The following CENPA variants were observed in gnomAD, a reference collection of about 807,000 sequenced individuals.
CENPA encodes centromere protein A.
CENPA carries 7 observed loss-of-function variants against 17.2 expected under a neutral mutation model. That is an observed-to-expected ratio of 0.41 (90% CI 0.23 to 0.76). The LOEUF is 0.76. Among genes scored for constraint, CENPA ranks in the 30% least tolerant of loss-of-function variants. The pLI, the probability that CENPA is intolerant of heterozygous loss-of-function variation, is 0.34. For synonymous variants in CENPA, 82 were observed against 77.4 expected (o/e 1.06, Z -0.31); for missense variants, 149 against 193.1 (o/e 0.77, Z 1.35).
At chr2:26,793,730 A>C (rs1380998531) in intron 4 of CENPA, 82 bp from the exon 5 acceptor site, 1 of 152,568 alleles carries the variant, frequency 6.6e-6, no homozygotes, top group Non-Finnish European at 1.5e-5. Flanking sequence ...CTTTCTAATA[A>C]AAACTTTCTC....
intron 2 of CENPA, 183 bp downstream of exon 2, chr2:26,792,423 G>C (rs996410522): frequency 7.1e-6 from 5 of 701,410 alleles, no homozygotes; most frequent in Non-Finnish European, 1.3e-5. Context: ...TTATGGAATT[G>C]ATTTCTAACC....
intron 1 of CENPA, among the ~76,000 whole-genome samples, chr2:26,789,095 G>C (rs1664570484): frequency 6.6e-6 from 1 of 152,112 alleles, no homozygotes. Flanking sequence ...AGCCAGACTT[G>C]TTAGGTCCAC....
chr2:26,790,081 C>A (rs1426650730), intron 1 of CENPA, among the ~76,000 whole-genome samples: 1 of 152,152 alleles, frequency 6.6e-6, no homozygotes, highest in African/African-American at 2.4e-5. Flanking sequence ...ACCACTTGTT[C>A]TTGGGTCATG....
At chr2:26,788,771 G>A (rs921521154) in intron 1 of CENPA, among the ~76,000 whole-genome samples, 4 of 152,172 alleles carry the variant, frequency 2.6e-5, no homozygotes, top group African/African-American at 9.7e-5. Flanking sequence ...TACCTCCCGG[G>A]TTCAAGCGAT....
At chr2:26,786,806 G>A (rs531038795) in intron 1 of CENPA, among the ~76,000 whole-genome samples, 7 of 152,286 alleles carry the variant, frequency 4.6e-5, no homozygotes, top group Admixed American at 2.0e-4. Context: ...GTCTTTCAGG[G>A]GTTTTTTTTC....
At chr2:26,792,728 A>C (rs773766289) in intron 2 of CENPA, 28 bp from the exon 3 acceptor site, 2 of 1,582,942 alleles carry the variant, frequency 1.3e-6, no homozygotes, top group Admixed American at 1.7e-5. Context: ...CCCTACTCCT[A>C]CTCCTCCCCT....
intron 2 of CENPA, chr2:26,792,452 C>T (rs1374719137): frequency 2.8e-6 from 2 of 710,770 alleles, no homozygotes; most frequent in Non-Finnish European, 5.2e-6. Context: ...CTTTTTAAAA[C>T]TGTAGTTTTT....
chr2:26,793,237 A>G lies in CENPA; in HGVS notation c.381A>G (p.Gln127=). The change falls in exon 4 of 5, where the codon CAA becomes CAG. Residue 127 remains glutamine, a synonymous_variant. Coordinates refer to ENST00000335756, the MANE Select transcript of CENPA (RefSeq NM_001809.4). ...GRVTLFPKDV[Q]LARRIRGLEE... is the part of the protein sequence containing the mutation. ...TTACTCTCTTCCCAAAGGATGTGCA[A>G]CTGGCCCGGAGGATCCGGGGCCTTG... 5 of 1,614,158 alleles carry G rather than the reference A, an allele frequency of 3.1e-6. No individual in the cohort carries two copies. Among genetic ancestry groups the G allele is most frequent in the Non-Finnish European group, 4.2e-6 (5 of 1,180,018 alleles).
chr2:26,786,270 G>T lies in CENPA; in HGVS notation c.74G>T (p.Gly25Val). Residue 25 changes from glycine to valine, a missense_variant, in exon 1 of 5, where the codon GGC (glycine) becomes GTC (valine). Gly to Val is a moderately radical substitution (Grantham distance 109, BLOSUM62 -3). Coordinates refer to ENST00000335756, the MANE Select transcript of CENPA (RefSeq NM_001809.4). ...RRSPSPTPTP[G>V]PSRRGPSLGA... ...AGCCCGAGCCCGACCCCGACCCCCG[G>T]CCCCTCCCGGCGGGGCCCCTCCTTA... The T allele has an allele frequency of 7.4e-7, 1 of 1,347,412 alleles. No individual in the cohort carries two copies. The highest frequency in any genetic ancestry group is 9.5e-7 in the Non-Finnish European group (1 of 1,055,374). The allele number at this position is 1,347,412 out of a possible 1,614,324, so 83.5% of individuals were successfully genotyped here. A position where few individuals can be genotyped will look rare whatever the true frequency, so the allele number is the denominator to read the frequency against.
At chr2:26,792,338 A>G in intron 2 of CENPA, 98 bp downstream of exon 2, 3 of 889,474 alleles carry the variant, frequency 3.4e-6, no homozygotes, top group Non-Finnish European at 5.3e-6. Context: ...CTAACTGGCC[A>G]AGGGACCTCT....
At chr2:26,793,077 C>A (rs1461457409) in intron 3 of CENPA, 68 bp from the exon 4 acceptor site, 2 of 1,586,620 alleles carry the variant, frequency 1.3e-6, no homozygotes, top group East Asian at 4.5e-5. Context: ...TTAAGTTTAG[C>A]AGGTTTCCAA....
At chr2:26,786,739 T>C (rs189857319) in intron 1 of CENPA, among the ~76,000 whole-genome samples, 82 of 152,364 alleles carry the variant, frequency 5.4e-4, no homozygotes, top group African/African-American at 1.9e-3. Flanking sequence ...ATTTTTAAAT[T>C]GCAAAAGTAT....
At position 26,794,508 on chromosome 2, in the gene CENPA, A is replaced by T. The variant is rs1418207524; in HGVS notation, c.*744A>T. On this transcript the variant is annotated 3_prime_UTR_variant, in exon 5 of 5. Coordinates refer to ENST00000335756, the MANE Select transcript of CENPA (RefSeq NM_001809.4). The stretch of plus-strand genomic sequence containing the variant: ...ATGTATCATAACAGTTCAGAATTTT[A>T]AAGTACATTTTCGATGCTTTTATGG... 1 of 152,256 alleles carries T rather than the reference A, an allele frequency of 6.6e-6. No individual in the cohort carries two copies. Among genetic ancestry groups the T allele is most frequent in the African/African-American group, 2.4e-5 (1 of 41,466 alleles). 9.4% of individuals were successfully genotyped at this position (152,256 alleles called of 1,614,324 possible). A position where few individuals can be genotyped will look rare whatever the true frequency, so the allele number is the denominator to read the frequency against.
At chr2:26,786,821 C>T (rs146293236) in intron 1 of CENPA, among the ~76,000 whole-genome samples, 1 of 152,156 alleles carries the variant, frequency 6.6e-6, no homozygotes, top group African/African-American at 2.4e-5. Context: ...TTTTTCCCTT[C>T]CGGGAGAGGC....
At chr2:26,787,408 G>C (rs1664529160) in intron 1 of CENPA, among the ~76,000 whole-genome samples, 1 of 151,248 alleles carries the variant, frequency 6.6e-6, no homozygotes, top group African/African-American at 2.4e-5. Context: ...GTAGAGACAG[G>C]GTTTCACCGT....
At chr2:26,793,516 T>A (rs769959915) in intron 4 of CENPA, among the ~76,000 whole-genome samples, 190 bp downstream of exon 4, 1 of 152,236 alleles carries the variant, frequency 6.6e-6, no homozygotes, top group Non-Finnish European at 1.5e-5. Context: ...TTCTATTAAA[T>A]AATAACCAGA....
chr2:26,786,414 GT>G (rs1664509428), intron 1 of CENPA, 118 bp downstream of exon 1: 2 of 1,229,022 alleles, frequency 1.6e-6, no homozygotes, highest in Admixed American at 4.3e-5. Flanking sequence ...CGGTTCCGCC[GT>G]CCGGCATCCG....
At chr2:26,792,650 A>C (rs1448887469) in intron 2 of CENPA, 106 bp from the exon 3 acceptor site, 4 of 1,014,750 alleles carry the variant, frequency 3.9e-6, no homozygotes, top group Non-Finnish European at 6.2e-6. Context: ...AGGAAAAAAT[A>C]ATGGAAAGGA....
intron 1 of CENPA, 139 bp downstream of exon 1, chr2:26,786,435 C>T (rs1037621020): frequency 3.6e-5 from 42 of 1,164,698 alleles, no homozygotes; most frequent in Non-Finnish European, 4.1e-5. Flanking sequence ...GCTCCGGGCA[C>T]GGGCGGTGCC....
Sources: allele counts gnomAD v4.1 joint callset (sites outside exome capture counted in the v4.1 genomes callset), GRCh38; gene constraint gnomAD v4.1.1; transcripts MANE v1.5; gene names NCBI Gene and HGNC (gene_info 2026-07-23, HGNC 2026-07-21).